The following CAPZB variants were observed in gnomAD, a reference collection of about 807,000 sequenced individuals.
CAPZB encodes the protein capping actin protein of muscle Z-line subunit beta.
CAPZB carries 2 observed loss-of-function variants against 38.1 expected under a neutral mutation model. The observed-to-expected ratio is 0.05, with a 90% confidence interval of 0.02 to 0.17. CAPZB has a LOEUF of 0.17. Among genes scored for constraint, CAPZB ranks in the 10% least tolerant of loss-of-function variants. The probability of loss-of-function intolerance (pLI) is 1.00; values close to 1 mark genes in which losing one functional copy is unlikely to be tolerated. For synonymous variants in CAPZB, 107 were observed against 127.4 expected (o/e 0.84, Z 1.08); for missense variants, 161 against 334.2 (o/e 0.48, Z 4.04).
intron 2 of CAPZB, among the ~76,000 whole-genome samples, chr1:19,400,197 A>G (rs2094295558): frequency 6.6e-6 from 1 of 151,876 alleles, no homozygotes; most frequent in Admixed American, 6.6e-5. Flanking sequence ...AAGGGAGCCC[A>G]GTTTTTCCCG....
intron 6 of CAPZB, among the ~76,000 whole-genome samples, chr1:19,354,667 C>T (rs899835209): frequency 6.6e-6 from 1 of 152,240 alleles, no homozygotes; most frequent in Non-Finnish European, 1.5e-5. Context: ...CAAGCCGGAA[C>T]CAGACTCTGG....
At chr1:19,481,050 C>T (rs139013080) in intron 1 of CAPZB, among the ~76,000 whole-genome samples, 1 of 152,218 alleles carries the variant, frequency 6.6e-6, no homozygotes, top group Non-Finnish European at 1.5e-5. Flanking sequence ...TCATTACGAC[C>T]TTATGCAGAG....
chr1:19,401,173 A>T (rs2094301314), intron 2 of CAPZB, among the ~76,000 whole-genome samples: 1 of 151,888 alleles, frequency 6.6e-6, no homozygotes, highest in Non-Finnish European at 1.5e-5. Context: ...AAGAGACTTA[A>T]ATTTCCTACA....
intron 1 of CAPZB, among the ~76,000 whole-genome samples, chr1:19,453,492 C>A (rs1379863033): frequency 2.0e-5 from 3 of 152,136 alleles, no homozygotes; most frequent in Non-Finnish European, 2.9e-5. Flanking sequence ...AACTCCTGAC[C>A]TCAGGTGATC....
At chr1:19,387,769 G>C (rs927544267) in intron 2 of CAPZB, among the ~76,000 whole-genome samples, 4 of 152,180 alleles carry the variant, frequency 2.6e-5, no homozygotes, top group Non-Finnish European at 5.9e-5. Context: ...TGTAAAATGG[G>C]GATAATAAAA....
In CAPZB at chr1:19,419,799, T is replaced by A. The variant is rs369671523; in HGVS notation, c.4-49A>T. On this transcript the variant is annotated intron_variant, in intron 1 of 8. Transcript: ENST00000264202. ...CGTCAGTCATTTTTGCCAGAAGGAATATCAAAAACTCCTTTTAAAAAGCAT... is the reference window on the plus strand; with the variant it reads ...CGTCAGTCATTTTTGCCAGAAGGAAAATCAAAAACTCCTTTTAAAAAGCAT... The A allele has an allele frequency of 1.3e-5, 14 of 1,065,422 alleles. No individual in the cohort carries two copies. In the African/African-American group the frequency reaches 2.1e-4, roughly 16 times the overall value. 66.0% of individuals were successfully genotyped at this position (1,065,422 alleles called of 1,614,324 possible).
At chr1:19,355,718 G>A (rs975103060) in intron 6 of CAPZB, among the ~76,000 whole-genome samples, 19 of 152,280 alleles carry the variant, frequency 1.2e-4, no homozygotes, top group African/African-American at 3.4e-4. Context: ...TGCCAATACC[G>A]ACTTCTCCGA....
At chr1:19,440,310 T>C (rs1355443674) in intron 1 of CAPZB, among the ~76,000 whole-genome samples, 2 of 152,108 alleles carry the variant, frequency 1.3e-5, no homozygotes, top group East Asian at 3.9e-4. Context: ...AGTGCTGGGA[T>C]TACAGGTGTG....
chr1:19,472,124 C>T (rs1487714352), intron 1 of CAPZB, among the ~76,000 whole-genome samples: 2 of 152,140 alleles, frequency 1.3e-5, no homozygotes, highest in Non-Finnish European at 2.9e-5. Context: ...TAAACGCCTC[C>T]AGATAAAGTT....
In CAPZB at chr1:19,404,447, G is replaced by A. The variant is rs1040465969; in HGVS notation, c.93+15214C>T. On this transcript the variant is annotated intron_variant, in intron 2 of 8. Transcript: ENST00000264202. ...TAGTTCCAGCTATTCCAGACGCTGA[G>A]GCTGGAGAATCACTTGAACTCGGGA... Among the ~76,000 whole-genome samples, 3 of 150,980 alleles carry A rather than the reference G, an allele frequency of 2.0e-5. No homozygotes were observed. In the East Asian group the frequency reaches 5.8e-4, roughly 29 times the overall value.
At chr1:19,446,911 T>C (rs1306012932) in intron 1 of CAPZB, among the ~76,000 whole-genome samples, 3 of 152,206 alleles carry the variant, frequency 2.0e-5, no homozygotes, top group Non-Finnish European at 4.4e-5. Flanking sequence ...TTTCAGTCTC[T>C]AAAAATCCGT....
intron 2 of CAPZB, among the ~76,000 whole-genome samples, chr1:19,412,563 G>A (rs1459022855): frequency 3.9e-5 from 6 of 152,256 alleles, no homozygotes; most frequent in Non-Finnish European, 8.8e-5. Context: ...AACTTCAGAT[G>A]AATGCCACAT....
chr1:19,361,510 G>A (rs534559379), intron 4 of CAPZB, among the ~76,000 whole-genome samples: 82 of 152,362 alleles, frequency 5.4e-4, no homozygotes, highest in African/African-American at 1.9e-3. Flanking sequence ...CCATCAGGGC[G>A]CTCCGGCACC....
intron 4 of CAPZB, among the ~76,000 whole-genome samples, chr1:19,368,136 C>T (rs184289717): frequency 1.3e-5 from 2 of 152,226 alleles, no homozygotes; most frequent in African/African-American, 4.8e-5. Context: ...AGATAAGGAA[C>T]GTGCCCAAGT....
intron 8 of CAPZB, chr1:19,342,900 G>A (rs746662865): frequency 2.3e-6 from 3 of 1,286,150 alleles, no homozygotes; most frequent in Non-Finnish European, 3.4e-6. Flanking sequence ...GAGTGGGAGG[G>A]AAGAGAACGA....
At chr1:19,453,375 C>T (rs1193500725) in intron 1 of CAPZB, among the ~76,000 whole-genome samples, 1 of 152,184 alleles carries the variant, frequency 6.6e-6, no homozygotes, top group East Asian at 1.9e-4. Context: ...AGTTCTCCCA[C>T]CTCAGCCTCC....
At chr1:19,440,864 C>T (rs534240091) in intron 1 of CAPZB, among the ~76,000 whole-genome samples, 36 of 152,202 alleles carry the variant, frequency 2.4e-4, no homozygotes, top group Admixed American at 6.5e-4. Flanking sequence ...ATCGAGACCA[C>T]CTTGGCTAAC....
At chr1:19,361,557 G>GC (rs1301111666) in intron 4 of CAPZB, among the ~76,000 whole-genome samples, 1 of 152,254 alleles carries the variant, frequency 6.6e-6, no homozygotes, top group Non-Finnish European at 1.5e-5. Flanking sequence ...CACAGACAGC[G>GC]CCCCCGCTAC....
chr1:19,462,030 C>T (rs566402405), intron 1 of CAPZB, among the ~76,000 whole-genome samples: 48 of 152,228 alleles, frequency 3.2e-4, no homozygotes, highest in African/African-American at 1.0e-3. Context: ...CCTGCAGTCT[C>T]GGCTACTCAG....
Sources: gnomAD v4.1 joint callset for allele counts (sites outside exome capture counted in the v4.1 genomes callset) on GRCh38, gnomAD v4.1.1 for gene constraint, MANE v1.5 for transcripts, NCBI Gene and HGNC (gene_info 2026-07-23, HGNC 2026-07-21) for gene names.